The following NELL1 variants were observed in gnomAD, a reference collection of about 807,000 sequenced individuals.
NELL1 encodes the protein protein kinase C-binding protein NELL1.
In NELL1, 76 loss-of-function variants were observed where a neutral mutation model predicts 107.4. The observed-to-expected ratio is 0.71, with a 90% CI of 0.59 to 0.86. The LOEUF (loss-of-function observed/expected upper bound fraction) is 0.86, where lower values mean the gene tolerates loss of function less well. NELL1 is among the 40% of genes least tolerant of loss of function. The pLI is 0.00. For synonymous variants in NELL1, 353 were observed against 341.2 expected (o/e 1.03, Z -0.38); for missense variants, 1,024 against 1,005.5 (o/e 1.02, Z -0.25).
At position 21,316,038 on chromosome 11, in the gene NELL1, G is replaced by A. The variant is rs1039788338; in HGVS notation, c.1550-54815G>A. Reference sequence around the variant, plus strand: ...TTCTTCTCCTTCTATAAGGTCTAGTGTTTCTCAGAACGTATTTTTGGGACA... The same window carrying A: ...TTCTTCTCCTTCTATAAGGTCTAGTATTTCTCAGAACGTATTTTTGGGACA... On this transcript the variant is annotated intron_variant, in intron 14 of 19. Coordinates refer to ENST00000357134, the MANE Select transcript of NELL1 (RefSeq NM_006157.5). Among the ~76,000 whole-genome samples the A allele has an allele frequency of 4.6e-5, 7 of 152,150 alleles. No homozygotes were observed. In the South Asian group the frequency reaches 1.5e-3, roughly 32 times the overall value.
At chr11:20,859,801 C>T (rs547368657) in intron 4 of NELL1, among the ~76,000 whole-genome samples, 71 of 60,678 alleles carry the variant, frequency 1.2e-3, no homozygotes, top group African/African-American at 2.6e-3. Context: ...AATAAGAGAG[C>T]ACAGGAGGTA....
At chr11:21,282,276 CA>C (rs1324626488) in intron 14 of NELL1, among the ~76,000 whole-genome samples, 2 of 152,000 alleles carry the variant, frequency 1.3e-5, no homozygotes, top group Non-Finnish European at 2.9e-5. Context: ...CAGAGAAATG[CA>C]AATCAAAACT....
intron 12 of NELL1, among the ~76,000 whole-genome samples, chr11:21,072,354 A>G (rs1299084217): frequency 6.6e-6 from 1 of 152,154 alleles, no homozygotes; most frequent in Non-Finnish European, 1.5e-5. Flanking sequence ...GAAGCTACAC[A>G]CCACACAGTT....
At chr11:21,202,717 T>C (rs903179159) in intron 13 of NELL1, among the ~76,000 whole-genome samples, 1 of 152,194 alleles carries the variant, frequency 6.6e-6, no homozygotes, top group African/African-American at 2.4e-5. Context: ...ATTGTGATGC[T>C]AGGGTGTCAT....
chr11:21,484,579 GATATGT>G (rs1854579207), intron 15 of NELL1, among the ~76,000 whole-genome samples: 1 of 151,442 alleles, frequency 6.6e-6, no homozygotes, highest in African/African-American at 2.4e-5. Flanking sequence ...TACATATATG[GATATGT>G]ATATTTGTGT....
intron 13 of NELL1, among the ~76,000 whole-genome samples, chr11:21,182,114 C>G (rs578258398): frequency 2.6e-5 from 4 of 151,886 alleles, no homozygotes; most frequent in African/African-American, 4.8e-5. Flanking sequence ...TTCTAGCAGA[C>G]GCCAGCCAGA....
chr11:20,968,985 G>A (rs1377000611), intron 12 of NELL1, among the ~76,000 whole-genome samples: 1 of 152,128 alleles, frequency 6.6e-6, no homozygotes. Flanking sequence ...GTTTTGGTGA[G>A]TGGCTTTTTG....
rs1258501644 is a variant in NELL1 at position 20,947,263 on chromosome 11, A to G, written c.1072-73A>G. ...TTGTTATCACTGCAGGCTATTAACA[A>G]AGAACATTATAAGTTTGTTCCATTG... On this transcript the variant is annotated intron_variant, in intron 10 of 19. Coordinates refer to ENST00000357134, the MANE Select transcript of NELL1 (RefSeq NM_006157.5). 4.0e-6 allele frequency: 4 copies of G among 992,376 alleles called. No homozygotes were observed. The African/African-American group carries it at 4.8e-5, about 12-fold the overall frequency. 61.5% of individuals were successfully genotyped at this position (992,376 alleles called of 1,614,324 possible). A position where few individuals can be genotyped will look rare whatever the true frequency, so the allele number is the denominator to read the frequency against.
chr11:21,284,435 A>G (rs1398365897), intron 14 of NELL1: 2 of 457,804 alleles, frequency 4.4e-6, no homozygotes, highest in Admixed American at 4.7e-5. Context: ...CAAAAAAGTG[A>G]TGGCTGTGCA....
intron 5 of NELL1, among the ~76,000 whole-genome samples, chr11:20,910,159 A>G (rs1346904088): frequency 2.6e-5 from 4 of 152,140 alleles, no homozygotes; most frequent in African/African-American, 7.2e-5. Flanking sequence ...AATGTTGACG[A>G]CTGGACCATG....
At chr11:20,706,611 G>A (rs1429931453) in intron 2 of NELL1, among the ~76,000 whole-genome samples, 1 of 151,818 alleles carries the variant, frequency 6.6e-6, no homozygotes, top group Non-Finnish European at 1.5e-5. Context: ...CATGGCACAT[G>A]TATACATATG....
chr11:21,502,381 C>A (rs991704978), intron 15 of NELL1, among the ~76,000 whole-genome samples: 13 of 152,112 alleles, frequency 8.5e-5, no homozygotes, highest in African/African-American at 2.7e-4. Context: ...TTGCAAAATG[C>A]TGCAGAAAGT....
chr11:20,748,062 C>T (rs1172331347), intron 2 of NELL1, among the ~76,000 whole-genome samples: 1 of 152,148 alleles, frequency 6.6e-6, no homozygotes, highest in African/African-American at 2.4e-5. Flanking sequence ...AGAGTTAGCC[C>T]TCCAACATGT....
At chr11:20,904,814 GTTT>G (rs1271868131) in intron 5 of NELL1, among the ~76,000 whole-genome samples, 1 of 150,692 alleles carries the variant, frequency 6.6e-6, no homozygotes, top group South Asian at 2.1e-4. Flanking sequence ...TTTTTTTTAA[GTTT>G]TTTTTTCTTT....
chr11:21,507,248 C>G (rs1278421744), intron 15 of NELL1, among the ~76,000 whole-genome samples: 1 of 152,112 alleles, frequency 6.6e-6, no homozygotes, highest in Non-Finnish European at 1.5e-5. Context: ...ATATAAAAAT[C>G]ATATTAAGAA....
At chr11:21,169,519 C>T (rs958637537) in intron 13 of NELL1, among the ~76,000 whole-genome samples, 7 of 151,874 alleles carry the variant, frequency 4.6e-5, no homozygotes, top group Non-Finnish European at 1.0e-4. Flanking sequence ...GACTATTCTC[C>T]TACCCATATT....
At chr11:21,407,738 C>G (rs897076248) in intron 15 of NELL1, among the ~76,000 whole-genome samples, 1 of 150,350 alleles carries the variant, frequency 6.7e-6, no homozygotes, top group Non-Finnish European at 1.5e-5. Context: ...TCACCCACTT[C>G]CCTTGCCCTC....
chr11:20,962,626 G>A (rs1164897846), intron 12 of NELL1, among the ~76,000 whole-genome samples: 1 of 152,140 alleles, frequency 6.6e-6, no homozygotes, highest in Non-Finnish European at 1.5e-5. Flanking sequence ...CAAAAGACTG[G>A]CTCCATGAGG....
chr11:20,815,852 T>C (rs984695420), intron 3 of NELL1, among the ~76,000 whole-genome samples: 1 of 152,180 alleles, frequency 6.6e-6, no homozygotes, highest in Non-Finnish European at 1.5e-5. Flanking sequence ...GTAGGGGTCC[T>C]GTGTCATTCT....
Sources: gnomAD v4.1 joint callset for allele counts (sites outside exome capture counted in the v4.1 genomes callset) on GRCh38, gnomAD v4.1.1 for gene constraint, MANE v1.5 for transcripts, NCBI Gene and HGNC (gene_info 2026-07-23, HGNC 2026-07-21) for gene names.